The following PARP16 variants were observed in gnomAD, a reference collection of about 807,000 sequenced individuals.
PARP16 encodes poly(ADP-ribose) polymerase family member 16.
PARP16 carries 31 observed loss-of-function variants against 35.0 expected under a neutral mutation model. That is an observed-to-expected ratio of 0.88 (90% confidence interval 0.66 to 1.19). PARP16 has a LOEUF of 1.19. Ranked by LOEUF, PARP16 falls within the 50% of genes most tolerant of loss-of-function variation. PARP16 has a pLI of 0.00. For missense variants in PARP16, 424 were observed against 411.2 expected, an observed-to-expected ratio of 1.03 and a Z score of -0.27; for synonymous variants, 162 against 169.5, an observed-to-expected ratio of 0.96 and a Z score of 0.34.
intron 2 of PARP16, among the ~76,000 whole-genome samples, chr15:65,269,363 A>C (rs2090022956): frequency 6.6e-6 from 1 of 151,626 alleles, no homozygotes; most frequent in African/African-American, 2.4e-5. Flanking sequence ...TGCCCAGCTA[A>C]GTTTTTGTAT....
chr15:65,284,012 C>G (rs2090501035), intron 1 of PARP16, among the ~76,000 whole-genome samples: 1 of 152,198 alleles, frequency 6.6e-6, no homozygotes, highest in Non-Finnish European at 1.5e-5. Context: ...ATTAGGTGGG[C>G]TACCAGGACC....
chr15:65,233,050 C>A (rs1395004644), downstream of PARP16, among the ~76,000 whole-genome samples: 1 of 152,046 alleles, frequency 6.6e-6, no homozygotes, highest in African/African-American at 2.4e-5. Context: ...GTTTCAGTCA[C>A]GCAAGATGAA....
chr15:65,271,103 G>A, intron 1 of PARP16, 31 bp from the exon 2 acceptor site: 1 of 1,613,360 alleles, frequency 6.2e-7, no homozygotes, highest in Non-Finnish European at 8.5e-7. Flanking sequence ...CCATTAGCAA[G>A]GATCCCGGAC....
At chr15:65,279,686 A>G (rs1253898278) in intron 1 of PARP16, among the ~76,000 whole-genome samples, 2 of 152,226 alleles carry the variant, frequency 1.3e-5, no homozygotes, top group Non-Finnish European at 2.9e-5. Flanking sequence ...AGGCACTTTT[A>G]TTATTAACAA....
chr15:65,248,033 T>C (rs2089257219), intron 3 of PARP16: 2 of 387,616 alleles, frequency 5.2e-6, no homozygotes, highest in Non-Finnish European at 1.0e-5. Context: ...CTCGATCTCC[T>C]GACCTTGTGA....
At chr15:65,262,767 C>T (rs1273659961) in intron 4 of PARP16, among the ~76,000 whole-genome samples, 2 of 152,148 alleles carry the variant, frequency 1.3e-5, no homozygotes, top group African/African-American at 4.8e-5. Context: ...TGAATGAGAT[C>T]TCATTCCTAC....
At chr15:65,261,174 A>G in intron 4 of PARP16, 148 bp from the exon 5 acceptor site, 1 of 594,178 alleles carries the variant, frequency 1.7e-6, no homozygotes, top group East Asian at 2.9e-5. Context: ...ATGAAGCAGC[A>G]CTGAAAAAAA....
At chr15:65,260,248 C>T (rs1339770515) in intron 5 of PARP16, among the ~76,000 whole-genome samples, 1 of 152,156 alleles carries the variant, frequency 6.6e-6, no homozygotes, top group African/African-American at 2.4e-5. Context: ...TTACCTGCTG[C>T]TGGCCCCTGC....
chr15:65,270,864 C>G, intron 2 of PARP16, 71 bp downstream of exon 2: 1 of 1,469,710 alleles, frequency 6.8e-7, no homozygotes, highest in Non-Finnish European at 9.5e-7. Context: ...AGTCTCAGAG[C>G]CACTGGATTC....
chr15:65,242,638 TAGAG>T (rs904858456), intron 3 of PARP16, among the ~76,000 whole-genome samples: 15 of 152,292 alleles, frequency 9.8e-5, no homozygotes, highest in African/African-American at 2.9e-4. Context: ...TTTGCTTATA[TAGAG>T]AAACACAATT....
rs964766655 is a variant in PARP16 at position 65,263,167 on chromosome 15, A to C, written c.673T>G (p.Cys225Gly). 2 of 1,614,020 alleles carry C rather than the reference A, an allele frequency of 1.2e-6. No individual in the cohort carries two copies. The highest frequency in any genetic ancestry group is 1.7e-6 in the Non-Finnish European group (2 of 1,179,946). ...CACTCACCCTTCTTCTTGGTTTGGC[A>C]CTTGACGTCCGGATGGTCAATGACC... is the stretch of plus-strand genomic sequence containing the variant. ...CEVIDHPDVK[C>G]QTKKKDSKEI... Residue 225 changes from cysteine (C) to glycine (G), a missense_variant, in exon 4 of 6, where the codon TGC (cysteine) becomes GGC (glycine). By Grantham distance (159) the Cys-to-Gly change is radical. Coordinates refer to ENST00000649807, the MANE Select transcript of PARP16 (RefSeq NM_001316943.2).
intron 1 of PARP16, among the ~76,000 whole-genome samples, chr15:65,281,051 G>A (rs944962496): frequency 2.0e-5 from 3 of 152,152 alleles, no homozygotes; most frequent in African/African-American, 7.2e-5. Flanking sequence ...AGCAGCGAGG[G>A]CCTGGAGCTA....
intron 3 of PARP16, among the ~76,000 whole-genome samples, chr15:65,235,695 G>A (rs1480036393): frequency 6.6e-6 from 1 of 150,882 alleles, no homozygotes; most frequent in Non-Finnish European, 1.5e-5. Context: ...TGTAGTCCCA[G>A]CTACTCAGGA....
chr15:65,266,589 G>A lies in PARP16; in HGVS notation c.492C>T (p.His164=), dbSNP rs151247473. The change falls in exon 3 of 6, where the codon CAC becomes CAT. Residue 164 remains histidine (H), a synonymous_variant. Transcript: ENST00000649807. ...SRLENFHSII[H]NGLHCHLNKT... ...TGTTCAGATGGCAGTGCAGGCCATT[G>A]TGGATAATGGAATGGAAGTTTTCTA... 25 of 1,613,808 alleles carry A rather than the reference G, an allele frequency of 1.5e-5. No individual in the cohort carries two copies. The highest frequency in any genetic ancestry group is 2.1e-5 in the Non-Finnish European group (25 of 1,179,824).
At chr15:65,245,425 G>A (rs2089184280) in intron 3 of PARP16, among the ~76,000 whole-genome samples, 1 of 152,202 alleles carries the variant, frequency 6.6e-6, no homozygotes, top group African/African-American at 2.4e-5. Context: ...TCATAGACCA[G>A]GGGAAGCCCA....
intron 1 of PARP16, among the ~76,000 whole-genome samples, chr15:65,274,021 C>T (rs1421189401): frequency 6.6e-6 from 1 of 152,006 alleles, no homozygotes; most frequent in Non-Finnish European, 1.5e-5. Flanking sequence ...GGCACAAACA[C>T]AGCTCACTGC....
intron 1 of PARP16, among the ~76,000 whole-genome samples, chr15:65,280,130 G>C (rs1241611474): frequency 6.6e-6 from 1 of 151,930 alleles, no homozygotes; most frequent in Non-Finnish European, 1.5e-5. Context: ...AGCATCGAAA[G>C]CCTTCCTTAG....
At chr15:65,253,999 G>A (rs2089434228), downstream of PARP16, among the ~76,000 whole-genome samples, 1 of 152,010 alleles carries the variant, frequency 6.6e-6, no homozygotes, top group African/African-American at 2.4e-5. Context: ...TGTATTTTTA[G>A]TAGAGAAGGG....
chr15:65,270,993 A>G lies in PARP16; in HGVS notation c.254T>C (p.Leu85Pro). 1 of 1,614,092 alleles carries G rather than the reference A, an allele frequency of 6.2e-7. No individual in the cohort carries two copies. Residue 85 changes from leucine to proline, a missense_variant, in exon 2 of 6, where the codon CTG becomes CCG. Leu to Pro is a moderately conservative substitution (Grantham distance 98, BLOSUM62 -3). Coordinates refer to ENST00000649807, the MANE Select transcript of PARP16 (RefSeq NM_001316943.2). ...SGDNHKRAWD[L>P]VSWILSSKVL... The stretch of plus-strand genomic sequence containing the variant: ...CTTTGAGGATAAAATCCAGCTCACC[A>G]GGTCCCAGGCCCGTTTGTGGTTGTC...
Sources: gnomAD v4.1 joint callset for allele counts (sites outside exome capture counted in the v4.1 genomes callset) on GRCh38, gnomAD v4.1.1 for gene constraint, MANE v1.5 for transcripts, NCBI Gene and HGNC (gene_info 2026-07-23, HGNC 2026-07-21) for gene names.